EPN1: variants seen among roughly 807,000 people sequenced by gnomAD.
EPN1 encodes epsin 1.
A neutral mutation model predicts 56.9 loss-of-function variants in EPN1; 25 were observed. The ratio of observed to expected loss-of-function variants is 0.44; its 90% CI spans 0.32 to 0.61. The LOEUF (loss-of-function observed/expected upper bound fraction) is 0.61. EPN1 is among the 20% of genes least tolerant of loss of function. The pLI is 0.05. For synonymous variants in EPN1, 411 were observed against 361.8 expected (o/e 1.14, Z -1.54); for missense variants, 785 against 823.7 (o/e 0.95, Z 0.58).
chr19:55,692,998 C>G lies in EPN1; in HGVS notation c.1225C>G (p.Arg409Gly). Residue 409 changes from arginine (R) to glycine (G), a missense_variant, in exon 9 of 11, where the codon CGA (arginine) becomes GGA (glycine). This residue lies in a region of EPN1 where 650 missense variants were observed against 605.0 expected (regional missense o/e 1.07). Coordinates refer to ENST00000270460, the MANE Select transcript of EPN1 (RefSeq NM_001130072.2). ...GCCCGACGAGTTCTCTGACTTTGAC[C>G]GACTCCGCACGGCACTGCCGACCTC... is the stretch of plus-strand genomic sequence containing the variant. ...TEPDEFSDFD[R>G]LRTALPTSGS... 6.2e-7 allele frequency: 1 copy of G among 1,613,436 alleles called. No individual in the cohort carries two copies. The highest frequency in any genetic ancestry group is 1.1e-5 in the South Asian group (1 of 91,066).
In EPN1 at chr19:55,683,452, C is replaced by T. The variant is rs571151212; in HGVS notation, c.229-1944C>T. On this transcript the variant is annotated intron_variant, in intron 2 of 10. Coordinates refer to ENST00000270460, the MANE Select transcript of EPN1 (RefSeq NM_001130072.2). ...CTATCACCTCTGCCTCCCTGATCCA[C>T]GGGATCCTCCCACCTCAGCCTCCTG... 1.1e-3 allele frequency among the ~76,000 whole-genome samples: 159 copies of T among 150,374 alleles called. 1 individual carries two copies. The highest frequency in any genetic ancestry group is 3.7e-3 in the African/African-American group (151 of 40,856).
At chr19:55,681,328 G>C (rs573092891) in intron 2 of EPN1, among the ~76,000 whole-genome samples, 3 of 152,344 alleles carry the variant, frequency 2.0e-5, no homozygotes, top group Admixed American at 6.5e-5. Flanking sequence ...CTGTTTTCCA[G>C]ATGAGGGAAC....
Position 55,688,958 on chromosome 19 carries a change from G to T in EPN1, c.567G>T (p.Gln189His). ...QSSGEEELQL[Q>H]LALAMSKEEA... ...GCGGGGAGGAGGAGCTGCAGCTCCAGCTGGCCCTGGCCATGAGCAAGGAGG... is the reference window on the plus strand; with the variant it reads ...GCGGGGAGGAGGAGCTGCAGCTCCATCTGGCCCTGGCCATGAGCAAGGAGG... The change falls in exon 4 of 11, where the codon CAG (glutamine) becomes CAT (histidine). Residue 189 changes from glutamine (Q) to histidine (H), a missense_variant. This residue lies in a region of EPN1 where 650 missense variants were observed against 605.0 expected (regional missense o/e 1.07). Coordinates refer to ENST00000270460, the MANE Select transcript of EPN1 (RefSeq NM_001130072.2). 6.2e-7 allele frequency: 1 copy of T among 1,601,586 alleles called. No individual in the cohort carries two copies. The highest frequency in any genetic ancestry group is 8.5e-7 in the Non-Finnish European group (1 of 1,176,626).
Position 55,689,100 on chromosome 19 carries a change from A to G in EPN1, c.603+106A>G. ...GCCTGGCCCTCACTGTCGCTGCTCC[A>G]CATGCTGTCACTCGTCTCCTCCCCA... On this transcript the variant is annotated intron_variant, in intron 4 of 10. Coordinates refer to ENST00000270460, the MANE Select transcript of EPN1 (RefSeq NM_001130072.2). The surrounding 1 kb of genome is among the most constrained non-coding windows in gnomAD (Gnocchi z 5.7). 7.1e-7 allele frequency: 1 copy of G among 1,409,582 alleles called. No homozygotes were observed. Among genetic ancestry groups the G allele is most frequent in the Non-Finnish European group, 9.4e-7 (1 of 1,060,396 alleles). The allele number at this position is 1,409,582 out of a possible 1,614,324, so 87.3% of individuals were successfully genotyped here. A position where few individuals can be genotyped will look rare whatever the true frequency, so the allele number is the denominator to read the frequency against.
intron 2 of EPN1, among the ~76,000 whole-genome samples, chr19:55,680,061 G>A (rs1327470200): frequency 6.6e-6 from 1 of 152,168 alleles, no homozygotes; most frequent in Non-Finnish European, 1.5e-5. Context: ...CAGGTGCCAA[G>A]GCCTGAGAGT....
chr19:55,689,397 C>T lies in EPN1; in HGVS notation c.678+26C>T. ...GTCAGAGCAGCCTCCCTGTCCCTGC[C>T]CCTGCCAGGGGCTCCCCTCAGACCA... is the stretch of plus-strand genomic sequence containing the variant. On this transcript the variant is annotated intron_variant, in intron 5 of 10. Coordinates refer to ENST00000270460, the MANE Select transcript of EPN1 (RefSeq NM_001130072.2). The surrounding 1 kb of genome is among the most constrained non-coding windows in gnomAD (Gnocchi z 5.7). 6.5e-7 allele frequency: 1 copy of T among 1,537,738 alleles called. No homozygotes were observed.
At position 55,697,426 on chromosome 19, in the gene EPN1, C is replaced by A. The variant is rs1377431765; in HGVS notation, c.*2070C>A. Reference sequence around the variant, plus strand: ...AGTTTCACGATTTCGCACTGCGGAGCCTGCACTCCCTTTCTCTTCAAAAAA... The same window carrying A: ...AGTTTCACGATTTCGCACTGCGGAGACTGCACTCCCTTTCTCTTCAAAAAA... On this transcript the variant is annotated 3_prime_UTR_variant, in exon 11 of 11. Coordinates refer to ENST00000270460, the MANE Select transcript of EPN1 (RefSeq NM_001130072.2). 1 of 152,202 alleles carries A rather than the reference C, an allele frequency of 6.6e-6. No homozygotes were observed. Among genetic ancestry groups the A allele is most frequent in the African/African-American group, 2.4e-5 (1 of 41,442 alleles). 9.4% of individuals were successfully genotyped at this position (152,202 alleles called of 1,614,324 possible). A position where few individuals can be genotyped will look rare whatever the true frequency, so the allele number is the denominator to read the frequency against.
chr19:55,694,541 A>G lies in EPN1; in HGVS notation c.1265-185A>G. The G allele has an allele frequency of 1.7e-6, 1 of 589,876 alleles. No homozygotes were observed. The highest frequency in any genetic ancestry group is 3.6e-5 in the South Asian group (1 of 27,572). 36.5% of individuals were successfully genotyped at this position (589,876 alleles called of 1,614,324 possible). On this transcript the variant is annotated intron_variant, in intron 9 of 10. Transcript: ENST00000270460. The surrounding 1 kb of genome is among the most constrained non-coding windows in gnomAD (Gnocchi z 4.2). ...CTGGAATCAGACCCACCTTATGGGA[A>G]TCTGGGCTGACGTGAGGTTTTGGCC...
intron 1 of EPN1, chr19:55,676,485 CG>C (rs1331507320): frequency 3.9e-5 from 6 of 152,200 alleles, no homozygotes; most frequent in Admixed American, 1.3e-4. Context: ...CCTTTTCTGC[CG>C]CCACCCTTTT....
At position 55,705,465 on chromosome 19, in the gene EPN1, T is replaced by A. The variant is rs889677201; in HGVS notation, c.*10109T>A. On this transcript the variant is annotated 3_prime_UTR_variant, in exon 11 of 11. Coordinates refer to ENST00000270460, the MANE Select transcript of EPN1 (RefSeq NM_001130072.2). ...GAGTTCGAGACCAGCCTGGCCAACA[T>A]GACAAAATCACCATCTCTACTAAAA... 6.6e-6 allele frequency: 1 copy of A among 152,142 alleles called. No homozygotes were observed. Among genetic ancestry groups the A allele is most frequent in the Non-Finnish European group, 1.5e-5 (1 of 68,038 alleles). 9.4% of individuals were successfully genotyped at this position (152,142 alleles called of 1,614,324 possible).
At chr19:55,687,374 A>G (rs1986238506) in intron 3 of EPN1, among the ~76,000 whole-genome samples, 1 of 151,984 alleles carries the variant, frequency 6.6e-6, no homozygotes, top group African/African-American at 2.4e-5. Flanking sequence ...GGCAGCACCG[A>G]GGCTGGGTGC....
At position 55,696,833 on chromosome 19, in the gene EPN1, T is replaced by G. The variant is rs892581865; in HGVS notation, c.*1477T>G. On this transcript the variant is annotated 3_prime_UTR_variant, in exon 11 of 11. Coordinates refer to ENST00000270460, the MANE Select transcript of EPN1 (RefSeq NM_001130072.2). ...CAAAAGGAGTGCTGTTGGGGTGATG[T>G]GAGGTTGGGGTTCTGTTTCTTGCTG... The G allele has an allele frequency of 1.3e-5, 2 of 152,528 alleles. No individual in the cohort carries two copies. The highest frequency in any genetic ancestry group is 4.8e-5 in the African/African-American group (2 of 41,432). The allele number at this position is 152,528 out of a possible 1,614,324, so 9.4% of individuals were successfully genotyped here. A position where few individuals can be genotyped will look rare whatever the true frequency, so the allele number is the denominator to read the frequency against.
At position 55,688,904 on chromosome 19, in the gene EPN1, C is replaced by A; in HGVS notation, c.513C>A (p.Pro171=). The change falls in exon 4 of 11, where the codon CCC becomes CCA. Residue 171 remains proline (P), a synonymous_variant. Coordinates refer to ENST00000270460, the MANE Select transcript of EPN1 (RefSeq NM_001130072.2). The part of the protein sequence containing the change: ...SSAAVGSGPP[P]EAEQAWPQSS... The stretch of plus-strand genomic sequence containing the variant: ...CAGCTGTGGGCTCAGGCCCCCCTCC[C>A]GAGGCGGAGCAGGCGTGGCCGCAGA... 6.3e-7 allele frequency: 1 copy of A among 1,582,302 alleles called. No homozygotes were observed. The highest frequency in any genetic ancestry group is 1.3e-5 in the African/African-American group (1 of 74,518).
At chr19:55,678,390 A>T in intron 1 of EPN1, 137 bp from the exon 2 acceptor site, 9 of 910,142 alleles carry the variant, frequency 9.9e-6, no homozygotes, top group Non-Finnish European at 1.5e-5. Flanking sequence ...TGAAACATGG[A>T]TGGGGTTACT....
rs1019485275 is a variant in EPN1, at chr19:55,696,897, C to T, written c.*1541C>T. On this transcript the variant is annotated 3_prime_UTR_variant, in exon 11 of 11. Transcript: ENST00000270460. ...GACCTGTGTCGGAGCGTTCTCTGGC[C>T]TCCACTTGCCCCTGCAGACCAGGGT... is the stretch of plus-strand genomic sequence containing the variant. 10 of 152,318 alleles carry T rather than the reference C, an allele frequency of 6.6e-5. No homozygotes were observed. Among genetic ancestry groups the T allele is most frequent in the African/African-American group, 2.4e-4 (10 of 41,464 alleles). The allele number at this position is 152,318 out of a possible 1,614,324, so 9.4% of individuals were successfully genotyped here.
chr19:55,688,580 C>T (rs1002723913), intron 3 of EPN1, among the ~76,000 whole-genome samples: 3 of 152,136 alleles, frequency 2.0e-5, no homozygotes, highest in East Asian at 1.9e-4. Flanking sequence ...TGGCAGGGCT[C>T]AGAGGTTGCT....
In EPN1 at chr19:55,704,955, T is replaced by C. The variant is rs1438557891; in HGVS notation, c.*9599T>C. The stretch of plus-strand genomic sequence containing the variant: ...CTGGCTGAATGCTGTTCTCATCCAC[T>C]TCCCAAGCATCTCTGGCTGAATGCT... On this transcript the variant is annotated 3_prime_UTR_variant, in exon 11 of 11. Coordinates refer to ENST00000270460, the MANE Select transcript of EPN1 (RefSeq NM_001130072.2). 3.3e-5 allele frequency: 5 copies of C among 152,230 alleles called. No individual in the cohort carries two copies. The East Asian group carries it at 9.6e-4, about 29-fold the overall frequency. The allele number at this position is 152,230 out of a possible 1,614,324, so 9.4% of individuals were successfully genotyped here. A position where few individuals can be genotyped will look rare whatever the true frequency, so the allele number is the denominator to read the frequency against.
intron 1 of EPN1, chr19:55,677,278 G>C: frequency 2.0e-6 from 2 of 979,480 alleles, no homozygotes; most frequent in Non-Finnish European, 1.6e-6. Flanking sequence ...CTGTGAGGTG[G>C]CTATGAATCA....
rs1209322046 is a variant in EPN1 at position 55,708,028 on chromosome 19, G to T, written c.*12672G>T. The T allele has an allele frequency of 6.6e-6, 1 of 152,332 alleles. No homozygotes were observed. Among genetic ancestry groups the T allele is most frequent in the Non-Finnish European group, 1.5e-5 (1 of 68,164 alleles). The allele number at this position is 152,332 out of a possible 1,614,324, so 9.4% of individuals were successfully genotyped here. A position where few individuals can be genotyped will look rare whatever the true frequency, so the allele number is the denominator to read the frequency against. On this transcript the variant is annotated 3_prime_UTR_variant, in exon 11 of 11. Transcript: ENST00000270460. ...AAAGTTCATAATTGCTTAAACATATGGAAAACCTGGAAGTAAAATTAAGCA... is the reference window on the plus strand; with the variant it reads ...AAAGTTCATAATTGCTTAAACATATTGAAAACCTGGAAGTAAAATTAAGCA...
Sources: gnomAD v4.1 joint callset for allele counts (sites outside exome capture counted in the v4.1 genomes callset) on GRCh38, gnomAD v4.1.1 for gene constraint, gnomAD v4.1.1 regional missense constraint, Gnocchi (gnomAD v3.1) non-coding constraint, MANE v1.5 for transcripts, NCBI Gene and HGNC (gene_info 2026-07-23, HGNC 2026-07-21) for gene names.